Variants in INSR observed in about 807,000 individuals in gnomAD.
INSR encodes the protein IR.
In INSR, 67 loss-of-function variants were observed where a neutral mutation model predicts 142.6. The observed-to-expected ratio is 0.47, with a 90% CI of 0.39 to 0.58. The LOEUF is 0.58. Ranked by LOEUF, INSR falls within the 20% of genes least tolerant of loss-of-function variation. The probability of loss-of-function intolerance (pLI) is 0.00; values close to 1 mark genes in which losing one functional copy is unlikely to be tolerated. For synonymous variants in INSR, 756 were observed against 743.1 expected (o/e 1.02, Z -0.28); for missense variants, 1,248 against 1,833.2 (o/e 0.68, Z 5.83).
In INSR at chr19:7,185,841, C is replaced by CAAAAAAAAAAAAAAAAAA. The variant is rs754262409; in HGVS notation, c.653-1222_653-1205dup. ...CTGGGCAACAAGTGCAAAATTCTGT[C>CAAAAAAAAAAAAAAAAAA]AAAAAAAAAAAAAAAAAAGAGAGAG... On this transcript the variant is annotated intron_variant, in intron 2 of 21. Coordinates refer to ENST00000302850, the MANE Select transcript of INSR (RefSeq NM_000208.4). Among the ~76,000 whole-genome samples the CAAAAAAAAAAAAAAAAAA allele has an allele frequency of 6.7e-5, 3 of 45,048 alleles. 1 individual carries two copies. Among genetic ancestry groups the CAAAAAAAAAAAAAAAAAA allele is most frequent in the South Asian group, 1.4e-3 (1 of 712 alleles). 29.6% of individuals were successfully genotyped at this position (45,048 alleles called of 152,430 possible). A position where few individuals can be genotyped will look rare whatever the true frequency, so the allele number is the denominator to read the frequency against.
At chr19:7,130,844 C>G (rs1972759933) in intron 14 of INSR, among the ~76,000 whole-genome samples, 1 of 149,846 alleles carries the variant, frequency 6.7e-6, no homozygotes, top group African/African-American at 2.5e-5. Flanking sequence ...CCTTTTCTTT[C>G]TTTTTCTTTT....
chr19:7,158,323 A>G (rs972059630), intron 9 of INSR, among the ~76,000 whole-genome samples: 4 of 151,726 alleles, frequency 2.6e-5, no homozygotes, highest in Non-Finnish European at 4.4e-5. Flanking sequence ...ACATGGTGAA[A>G]CCCCGTCTCT....
At chr19:7,252,564 T>C (rs1976760687) in intron 2 of INSR, among the ~76,000 whole-genome samples, 1 of 152,204 alleles carries the variant, frequency 6.6e-6, no homozygotes, top group African/African-American at 2.4e-5. Flanking sequence ...CGACGGGCTT[T>C]GCAGGTGGTC....
intron 2 of INSR, among the ~76,000 whole-genome samples, chr19:7,250,844 A>T (rs779954169): frequency 3.3e-5 from 5 of 151,990 alleles, no homozygotes; most frequent in Admixed American, 6.6e-5. Flanking sequence ...CCTGAGTGTG[A>T]CCCTAGCTCT....
rs111273490 is a variant in INSR at position 7,221,096 on chromosome 19, G to A, written c.653-36459C>T. Among the ~76,000 whole-genome samples, 1,348 of 152,296 alleles carry A rather than the reference G, an allele frequency of 8.9e-3. 9 individuals carry two copies. The highest frequency in any genetic ancestry group is 0.037 in the Middle Eastern group (11 of 294). On this transcript the variant is annotated intron_variant, in intron 2 of 21. Transcript: ENST00000302850. Reference sequence around the variant, plus strand: ...CCGGCAAGAAGGTCTTCACCAGGCCGAGCGCAGTGGCTCACGCCTGTAATC... The same window carrying A: ...CCGGCAAGAAGGTCTTCACCAGGCCAAGCGCAGTGGCTCACGCCTGTAATC...
At chr19:7,139,281 C>A (rs1053892450) in intron 13 of INSR, among the ~76,000 whole-genome samples, 1 of 152,182 alleles carries the variant, frequency 6.6e-6, no homozygotes, top group African/African-American at 2.4e-5. Context: ...AAACCAGTAC[C>A]TTTGGGGGCA....
At chr19:7,241,771 T>C (rs1170534201) in intron 2 of INSR, among the ~76,000 whole-genome samples, 18 of 152,114 alleles carry the variant, frequency 1.2e-4, no homozygotes, top group African/African-American at 4.8e-5. Context: ...AAGCTTCCTG[T>C]AATGTACAGG....
chr19:7,161,072 T>A (rs867246399), intron 9 of INSR, among the ~76,000 whole-genome samples: 1 of 149,634 alleles, frequency 6.7e-6, no homozygotes, highest in Non-Finnish European at 1.5e-5. Context: ...ACTTTAAATA[T>A]TATTCCATTT....
chr19:7,119,452 C>T lies in INSR; in HGVS notation c.3791G>A (p.Arg1264Lys). The change falls in exon 21 of 22, where the codon AGA becomes AAA. Residue 1264 changes from arginine (R) to lysine (K), a missense_variant. Physicochemically the swap from Arg to Lys is conservative, Grantham distance 26. Transcript: ENST00000302850. This position sits in a 1 kb window ranked among gnomAD's most constrained non-coding sequence, Gnocchi z 5.2. ...YLDQPDNCPE[R>K]VTDLMRMCWQ... ...CTTAAACCCTTTCTACACTTACACT[C>T]TCTCTGGACAGTTGTCGGGTTGATC... 6.2e-7 allele frequency: 1 copy of T among 1,614,222 alleles called. No homozygotes were observed. Among genetic ancestry groups the T allele is most frequent in the Non-Finnish European group, 8.5e-7 (1 of 1,180,042 alleles).
chr19:7,166,478 G>C lies in INSR; in HGVS notation c.1611-74C>G. On this transcript the variant is annotated intron_variant, in intron 7 of 21. Coordinates refer to ENST00000302850, the MANE Select transcript of INSR (RefSeq NM_000208.4). The surrounding 1 kb of genome is among the most constrained non-coding windows in gnomAD (Gnocchi z 4.1). The stretch of plus-strand genomic sequence containing the variant: ...ACTGAGTGCCGTGCAGATGAGGCCT[G>C]GGAAGTTACATCCCATAGGGTCACA... The C allele has an allele frequency of 6.5e-7, 1 of 1,536,034 alleles. No individual in the cohort carries two copies. Among genetic ancestry groups the C allele is most frequent in the Non-Finnish European group, 8.9e-7 (1 of 1,125,002 alleles).
chr19:7,228,788 T>G (rs946703542), intron 2 of INSR, among the ~76,000 whole-genome samples: 2 of 152,170 alleles, frequency 1.3e-5, no homozygotes, highest in Non-Finnish European at 2.9e-5. Context: ...TCCCTTATAT[T>G]AGATGATAGA....
intron 16 of INSR, among the ~76,000 whole-genome samples, chr19:7,126,324 G>GC (rs1378935349): frequency 6.6e-6 from 1 of 152,226 alleles, no homozygotes; most frequent in Admixed American, 6.5e-5. Flanking sequence ...GCCCAGCTGA[G>GC]CCCAGCCCAA....
At chr19:7,224,133 G>A (rs1351424869) in intron 2 of INSR, among the ~76,000 whole-genome samples, 2 of 151,686 alleles carry the variant, frequency 1.3e-5, no homozygotes, top group African/African-American at 4.8e-5. Flanking sequence ...TAGTAGAGAC[G>A]GGGTTTCACC....
intron 2 of INSR, among the ~76,000 whole-genome samples, chr19:7,227,074 G>A (rs1016246971): frequency 1.3e-5 from 2 of 152,150 alleles, no homozygotes; most frequent in Admixed American, 1.3e-4. Flanking sequence ...TAAGCATCAG[G>A]CATTCCATGA....
intron 2 of INSR, among the ~76,000 whole-genome samples, chr19:7,239,438 G>A (rs1276771766): frequency 1.3e-5 from 2 of 152,086 alleles, no homozygotes; most frequent in African/African-American, 4.8e-5. Flanking sequence ...TCCATGCACT[G>A]GAATTAACAT....
intron 3 of INSR, among the ~76,000 whole-genome samples, chr19:7,183,344 A>G (rs1467650678): frequency 6.6e-6 from 1 of 151,824 alleles, no homozygotes. Flanking sequence ...CAGGAAACAG[A>G]TTTTTGCAAC....
chr19:7,174,892 G>A (rs1974102608), intron 3 of INSR, among the ~76,000 whole-genome samples, 161 bp from the exon 4 acceptor site: 1 of 152,102 alleles, frequency 6.6e-6, no homozygotes, highest in Non-Finnish European at 1.5e-5. Context: ...GCCCAGGCTG[G>A]AGTGCAGTGG....
At chr19:7,177,862 A>T (rs1378911632) in intron 3 of INSR, among the ~76,000 whole-genome samples, 1 of 151,794 alleles carries the variant, frequency 6.6e-6, no homozygotes, top group Middle Eastern at 3.2e-3. Context: ...AGCCAATTTG[A>T]GTTGGGGTTC....
intron 2 of INSR, among the ~76,000 whole-genome samples, chr19:7,253,518 G>A (rs899156680): frequency 1.1e-4 from 16 of 152,054 alleles, no homozygotes; most frequent in African/African-American, 2.2e-4. Context: ...GATTACAGGC[G>A]TGTGCCTGGC....
Sources: gnomAD v4.1 joint callset for allele counts (sites outside exome capture counted in the v4.1 genomes callset) on GRCh38, gnomAD v4.1.1 for gene constraint, Gnocchi (gnomAD v3.1) non-coding constraint, MANE v1.5 for transcripts, NCBI Gene and HGNC (gene_info 2026-07-23, HGNC 2026-07-21) for gene names.